The following ANKH variants were observed in gnomAD, a reference collection of about 807,000 sequenced individuals.
ANKH encodes the protein ANKH inorganic pyrophosphate transport regulator.
ANKH carries 15 observed loss-of-function variants against 49.0 expected under a neutral mutation model. That is an observed-to-expected ratio of 0.31 (90% CI 0.20 to 0.47). The LOEUF (loss-of-function observed/expected upper bound fraction) is 0.47. Ranked by LOEUF, ANKH falls within the 20% of genes least tolerant of loss-of-function variation. ANKH has a pLI of 1.00. For missense variants in ANKH, 429 were observed against 652.0 expected, an observed-to-expected ratio of 0.66 and a Z score of 3.72; for synonymous variants, 273 against 260.0, an observed-to-expected ratio of 1.05 and a Z score of -0.48.
chr5:14,706,857 T>C lies in ANKH; in HGVS notation c.*4340A>G, dbSNP rs983545967. 2 of 152,128 alleles carry C rather than the reference T, an allele frequency of 1.3e-5. No homozygotes were observed. Among genetic ancestry groups the C allele is most frequent in the African/African-American group, 4.8e-5 (2 of 41,420 alleles). 9.4% of individuals were successfully genotyped at this position (152,128 alleles called of 1,614,324 possible). A position where few individuals can be genotyped will look rare whatever the true frequency, so the allele number is the denominator to read the frequency against. ...CATGCTTTCCTACGGTTTGAGTGCT[T>C]TATATGAGAGCCATCAGAGGACTGT... On this transcript the variant is annotated 3_prime_UTR_variant, in exon 12 of 12. Coordinates refer to ENST00000284268, the MANE Select transcript of ANKH (RefSeq NM_054027.6).
At chr5:14,727,368 T>C (rs1737854406) in intron 8 of ANKH, among the ~76,000 whole-genome samples, 1 of 152,052 alleles carries the variant, frequency 6.6e-6, no homozygotes. Context: ...ACCAGCTTTT[T>C]GAAGAATATG....
chr5:14,855,807 C>T (rs1735220823), intron 1 of ANKH, among the ~76,000 whole-genome samples: 1 of 149,340 alleles, frequency 6.7e-6, no homozygotes, highest in African/African-American at 2.5e-5. Flanking sequence ...AAAATCCAGC[C>T]TTAAAGGCCT....
chr5:14,790,091 A>G lies in ANKH; in HGVS notation c.97-20900T>C, dbSNP rs896361656. ...AAAGTAAGTCTTATGATACCTTCCA[A>G]TTCCCCAATATAGAATATGATGCTT... On this transcript the variant is annotated intron_variant, in intron 1 of 11. Transcript: ENST00000284268. Among the ~76,000 whole-genome samples the G allele has an allele frequency of 2.6e-5, 4 of 152,190 alleles. No individual in the cohort carries two copies. In the East Asian group the frequency reaches 7.7e-4, roughly 29 times the overall value.
intron 1 of ANKH, among the ~76,000 whole-genome samples, chr5:14,865,328 A>G (rs746185820): frequency 2.9e-4 from 44 of 152,188 alleles, no homozygotes; most frequent in Non-Finnish European, 5.1e-4. Context: ...CAAATTGTTA[A>G]ATGAGTTTTA....
At chr5:14,783,254 A>G (rs1335057796) in intron 1 of ANKH, among the ~76,000 whole-genome samples, 2 of 151,464 alleles carry the variant, frequency 1.3e-5, no homozygotes, top group Non-Finnish European at 2.9e-5. Flanking sequence ...GGACAAGAGA[A>G]GACACTGTGG....
At chr5:14,869,330 C>G (rs1735750446) in intron 1 of ANKH, 1 of 152,206 alleles carries the variant, frequency 6.6e-6, no homozygotes, top group South Asian at 2.1e-4. Flanking sequence ...TCATCTGACA[C>G]CAGAAGGCAA....
chr5:14,757,430 A>ATAT (rs1379233165), intron 3 of ANKH, among the ~76,000 whole-genome samples: 12 of 113,788 alleles, frequency 1.1e-4, no homozygotes, highest in African/African-American at 2.6e-4. Flanking sequence ...ATATATATAT[A>ATAT]TTTTTTTTTT....
intron 2 of ANKH, among the ~76,000 whole-genome samples, chr5:14,762,312 G>A (rs763742401): frequency 3.9e-5 from 6 of 152,346 alleles, no homozygotes; most frequent in South Asian, 2.1e-4. Context: ...CTGCTGGGGC[G>A]TTCGCCATCC....
At chr5:14,793,037 A>ATATAT (rs1554006446) in intron 1 of ANKH, among the ~76,000 whole-genome samples, 86 of 56,196 alleles carry the variant, frequency 1.5e-3, no homozygotes, top group South Asian at 5.9e-3. Context: ...TATATATAAA[A>ATATAT]ATATATATAT....
At chr5:14,729,478 C>T (rs1300679414) in intron 8 of ANKH, among the ~76,000 whole-genome samples, 7 of 148,296 alleles carry the variant, frequency 4.7e-5, no homozygotes, top group Non-Finnish European at 1.0e-4. Flanking sequence ...TGTGCCACCG[C>T]GCCTGACCAA....
chr5:14,746,360 C>G (rs35628922), intron 6 of ANKH, among the ~76,000 whole-genome samples: 8,399 of 149,686 alleles, frequency 0.056, 327 homozygotes, highest in East Asian at 0.13. Flanking sequence ...TTACTCATAT[C>G]AGTCTCCCCG....
In ANKH at chr5:14,857,653, C is replaced by CA. The variant is rs1336879468; in HGVS notation, c.96+13698dup. Among the ~76,000 whole-genome samples, 13 of 149,754 alleles carry CA rather than the reference C, an allele frequency of 8.7e-5. No homozygotes were observed. In the East Asian group the frequency reaches 1.4e-3, roughly 16 times the overall value. ...AGCCTGGGCAACAGAGACTCCATCT[C>CA]AAAAAAAAGAAAAAGAAAAAAAAAC... On this transcript the variant is annotated intron_variant, in intron 1 of 11. Coordinates refer to ENST00000284268, the MANE Select transcript of ANKH (RefSeq NM_054027.6).
At chr5:14,729,627 A>G (rs1003679787) in intron 8 of ANKH, among the ~76,000 whole-genome samples, 1 of 152,040 alleles carries the variant, frequency 6.6e-6, no homozygotes, top group Non-Finnish European at 1.5e-5. Context: ...GCCTTCCAAG[A>G]AGAGGTGGTC....
At position 14,711,153 on chromosome 5, in the gene ANKH, C is replaced by T. The variant is rs1253705599; in HGVS notation, c.*44G>A. 2.0e-6 allele frequency: 3 copies of T among 1,490,160 alleles called. No individual in the cohort carries two copies. The highest frequency in any genetic ancestry group is 2.8e-6 in the Non-Finnish European group (3 of 1,067,098). The allele number at this position is 1,490,160 out of a possible 1,614,324, so 92.3% of individuals were successfully genotyped here. On this transcript the variant is annotated 3_prime_UTR_variant, in exon 12 of 12. Transcript: ENST00000284268. ...GAGGGAAGAGATGATGCCGAAGTGT[C>T]ATCCTGACTGACTGTCCCTGCAGTG...
chr5:14,771,418 C>A (rs1254883759), intron 1 of ANKH, among the ~76,000 whole-genome samples: 2 of 152,194 alleles, frequency 1.3e-5, no homozygotes, highest in Non-Finnish European at 2.9e-5. Flanking sequence ...ACATAAACTG[C>A]ATGCTTTTTA....
chr5:14,807,240 G>A (rs2448493), intron 1 of ANKH, among the ~76,000 whole-genome samples: 73,486 of 151,206 alleles, frequency 0.49, 18,125 homozygotes, highest in East Asian at 0.76. Flanking sequence ...TCCGCCTCCC[G>A]AGTAGCTGGG....
chr5:14,825,945 CA>C (rs1173073398), intron 1 of ANKH: 1 of 152,458 alleles, frequency 6.6e-6, no homozygotes, highest in East Asian at 1.9e-4. Context: ...CTTGAATCTG[CA>C]GTTAGTATTA....
At position 14,745,914 on chromosome 5, in the gene ANKH, C is replaced by T. The variant is rs1241583917; in HGVS notation, c.871G>A (p.Gly291Ser). The T allele has an allele frequency of 6.2e-7, 1 of 1,614,210 alleles. No individual in the cohort carries two copies. The highest frequency in any genetic ancestry group is 1.7e-5 in the Admixed American group (1 of 60,030). ...ATYPVGHMPY[G>S]WLTEIRAVYP... ...ACAGCACGGATTTCCGTCAACCAGCCGTATGGCATGTGACCCACAGGGTAT... is the reference window on the plus strand; with the variant it reads ...ACAGCACGGATTTCCGTCAACCAGCTGTATGGCATGTGACCCACAGGGTAT... The change falls in exon 7 of 12, where the codon GGC becomes AGC. Residue 291 changes from glycine to serine, a missense_variant. Transcript: ENST00000284268. This position sits in a 1 kb window ranked among gnomAD's most constrained non-coding sequence, Gnocchi z 4.7.
intron 8 of ANKH, chr5:14,741,489 C>A: frequency 3.7e-6 from 1 of 269,082 alleles, no homozygotes; most frequent in Non-Finnish European, 7.2e-6. Flanking sequence ...GGAAAAGAGA[C>A]AGGGGTGGTT....
Sources: gnomAD v4.1 joint callset for allele counts (sites outside exome capture counted in the v4.1 genomes callset) on GRCh38, gnomAD v4.1.1 for gene constraint, Gnocchi (gnomAD v3.1) non-coding constraint, MANE v1.5 for transcripts, NCBI Gene and HGNC (gene_info 2026-07-23, HGNC 2026-07-21) for gene names.